The following GABRG3 variants were observed in gnomAD, a reference collection of about 807,000 sequenced individuals.
GABRG3 encodes gamma-aminobutyric acid receptor subunit gamma-3.
In GABRG3, 25 loss-of-function variants were observed where a neutral mutation model predicts 48.8. The ratio of observed to expected loss-of-function variants is 0.51; its 90% CI spans 0.37 to 0.72. The LOEUF (loss-of-function observed/expected upper bound fraction) is 0.72, where lower values mean the gene tolerates loss of function less well. Among genes scored for constraint, GABRG3 ranks in the 30% least tolerant of loss-of-function variants. The probability of loss-of-function intolerance (pLI) is 0.00; values close to 1 mark genes in which losing one functional copy is unlikely to be tolerated. For missense variants in GABRG3, 394 were observed against 577.9 expected (o/e 0.68, Z 3.26); for synonymous variants, 227 against 217.6 (o/e 1.04, Z -0.38).
At chr15:27,006,351 G>A (rs932691733) in intron 2 of GABRG3, among the ~76,000 whole-genome samples, 54 of 152,016 alleles carry the variant, frequency 3.6e-4, no homozygotes, top group Non-Finnish European at 7.1e-4. Context: ...ACAGGTGCCC[G>A]CCACCATGCC....
chr15:27,204,026 C>A lies in GABRG3; in HGVS notation c.271-122783C>A, dbSNP rs564745593. ...TGTCTGTTTACTCTGTTGACAGTTT[C>A]TTTTGCTGTGCATAAACTCTTTAGT... is the stretch of plus-strand genomic sequence containing the variant. On this transcript the variant is annotated intron_variant, in intron 3 of 9. Transcript: ENST00000615808. Among the ~76,000 whole-genome samples, 33 of 152,140 alleles carry A rather than the reference C, an allele frequency of 2.2e-4. No homozygotes were observed. In the South Asian group the frequency reaches 6.8e-3, roughly 32 times the overall value.
At chr15:27,231,273 G>A (rs1194824231) in intron 3 of GABRG3, among the ~76,000 whole-genome samples, 1 of 143,302 alleles carries the variant, frequency 7.0e-6, no homozygotes, top group Non-Finnish European at 1.5e-5. Flanking sequence ...TCCTCTAACA[G>A]TTCTATATGT....
At chr15:27,200,610 C>T (rs1888650971) in intron 3 of GABRG3, among the ~76,000 whole-genome samples, 1 of 152,148 alleles carries the variant, frequency 6.6e-6, no homozygotes, top group Admixed American at 6.5e-5. Context: ...CTTAGAGGAG[C>T]AAGTTGGCAA....
Position 27,308,776 on chromosome 15 carries a change from A to G in GABRG3, c.271-18033A>G, listed in dbSNP as rs1337846729. Reference sequence around the variant, plus strand: ...ATATAATGTAAACATACGTTTATATATAAAACACAATGTAAACATACGTTT... The same window carrying G: ...ATATAATGTAAACATACGTTTATATGTAAAACACAATGTAAACATACGTTT... On this transcript the variant is annotated intron_variant, in intron 3 of 9. Coordinates refer to ENST00000615808, the MANE Select transcript of GABRG3 (RefSeq NM_033223.5). Among the ~76,000 whole-genome samples, 10 of 150,144 alleles carry G rather than the reference A, an allele frequency of 6.7e-5. No individual in the cohort carries two copies. The East Asian group carries it at 1.0e-3, about 15-fold the overall frequency.
intron 3 of GABRG3, among the ~76,000 whole-genome samples, chr15:27,315,547 T>C (rs531823656): frequency 2.0e-5 from 3 of 152,342 alleles, no homozygotes; most frequent in Admixed American, 6.5e-5. Flanking sequence ...ATTCCCATTA[T>C]CATGAATGTT....
At chr15:27,403,909 A>C (rs564159001) in intron 5 of GABRG3, among the ~76,000 whole-genome samples, 4 of 126,978 alleles carry the variant, frequency 3.2e-5, no homozygotes, top group African/African-American at 8.3e-5. Flanking sequence ...AGACTCAAAA[A>C]AAAACAAAAA....
intron 5 of GABRG3, among the ~76,000 whole-genome samples, chr15:27,410,730 AT>A (rs1323953974): frequency 2.0e-5 from 3 of 151,506 alleles, no homozygotes; most frequent in Non-Finnish European, 2.9e-5. Context: ...TTTCTCCTTC[AT>A]TTTTTTCCAA....
At chr15:27,420,790 C>T (rs1348054589) in intron 5 of GABRG3, 1 of 152,282 alleles carries the variant, frequency 6.6e-6, no homozygotes, top group East Asian at 1.9e-4. Context: ...CTCACATTAT[C>T]ATTCACAAAA....
At chr15:27,380,922 T>G (rs771216448) in intron 5 of GABRG3, among the ~76,000 whole-genome samples, 2 of 151,962 alleles carry the variant, frequency 1.3e-5, no homozygotes, top group Admixed American at 1.3e-4. Context: ...CCTGCCACCA[T>G]GCCCAGCTAA....
intron 3 of GABRG3, among the ~76,000 whole-genome samples, chr15:27,168,136 T>TA (rs757688026): frequency 0.026 from 3,656 of 142,084 alleles, 135 homozygotes; most frequent in African/African-American, 0.085. Flanking sequence ...GAAGCTCAGT[T>TA]AAAAAAAAAA....
At chr15:27,049,182 G>GT (rs1351717445) in intron 3 of GABRG3, among the ~76,000 whole-genome samples, 2 of 152,358 alleles carry the variant, frequency 1.3e-5, no homozygotes, top group East Asian at 3.9e-4. Context: ...GTGCGTAACC[G>GT]TTTTTGATTA....
intron 6 of GABRG3, among the ~76,000 whole-genome samples, chr15:27,512,555 T>C (rs1354512658): frequency 6.6e-6 from 1 of 152,026 alleles, no homozygotes; most frequent in Non-Finnish European, 1.5e-5. Context: ...GGTAGATGAG[T>C]CTAAAGTTCC....
At chr15:27,495,751 A>G (rs533853617) in intron 6 of GABRG3, among the ~76,000 whole-genome samples, 4 of 152,278 alleles carry the variant, frequency 2.6e-5, no homozygotes, top group Admixed American at 2.0e-4. Flanking sequence ...GTTTGTAATC[A>G]CTTGTGAAAG....
At chr15:27,167,409 CA>C (rs1179056193) in intron 3 of GABRG3, among the ~76,000 whole-genome samples, 1 of 152,162 alleles carries the variant, frequency 6.6e-6, no homozygotes, top group African/African-American at 2.4e-5. Context: ...ACCCAAGGTG[CA>C]AAAACCAAAA....
chr15:27,281,263 G>A (rs1386795949), intron 3 of GABRG3, among the ~76,000 whole-genome samples: 2 of 152,034 alleles, frequency 1.3e-5, no homozygotes, highest in Non-Finnish European at 2.9e-5. Context: ...TGTATTTGGT[G>A]TATTCAGATC....
At chr15:27,277,836 A>G (rs1030745979) in intron 3 of GABRG3, among the ~76,000 whole-genome samples, 2 of 152,166 alleles carry the variant, frequency 1.3e-5, no homozygotes, top group African/African-American at 4.8e-5. Flanking sequence ...CTTTAACTTT[A>G]AATTTTTATA....
At chr15:27,434,972 A>G (rs1441209205) in intron 5 of GABRG3, among the ~76,000 whole-genome samples, 2 of 152,092 alleles carry the variant, frequency 1.3e-5, no homozygotes. Context: ...ACAGGCCAAG[A>G]AGCCCTGATA....
Position 27,422,495 on chromosome 15 carries a change from TG to T in GABRG3, c.575-58152del, listed in dbSNP as rs934409837. The T allele has an allele frequency of 2.6e-5, 4 of 152,200 alleles. No homozygotes were observed. In the East Asian group the frequency reaches 7.8e-4, roughly 30 times the overall value. 9.4% of individuals were successfully genotyped at this position (152,200 alleles called of 1,614,324 possible). On this transcript the variant is annotated intron_variant, in intron 5 of 9. Transcript: ENST00000615808. ...GAGTGTTCTAAGGCATCCATGAGAG[TG>T]GGCTATAAATCCACCAATACTGAGT...
intron 3 of GABRG3, among the ~76,000 whole-genome samples, chr15:27,265,248 G>A (rs1890882448): frequency 6.6e-6 from 1 of 151,978 alleles, no homozygotes; most frequent in South Asian, 2.1e-4. Flanking sequence ...CTGACCCTAA[G>A]CCTGCCCCCA....
Sources: gnomAD v4.1 joint callset for allele counts (sites outside exome capture counted in the v4.1 genomes callset) on GRCh38, gnomAD v4.1.1 for gene constraint, MANE v1.5 for transcripts, NCBI Gene and HGNC (gene_info 2026-07-23, HGNC 2026-07-21) for gene names.